The following DAB1 variants were observed in gnomAD, a reference collection of about 807,000 sequenced individuals.
DAB1 encodes disabled homolog 1.
DAB1 carries 15 observed loss-of-function variants against 64.6 expected under a neutral mutation model. That is an observed-to-expected ratio of 0.23 (90% CI 0.16 to 0.36). The LOEUF (loss-of-function observed/expected upper bound fraction) is 0.36, where lower values mean the gene tolerates loss of function less well. Among genes scored for constraint, DAB1 ranks in the 10% least tolerant of loss-of-function variants. The probability of loss-of-function intolerance (pLI) is 1.00; values close to 1 mark genes in which losing one functional copy is unlikely to be tolerated. For synonymous variants in DAB1, 235 were observed against 251.9 expected, an observed-to-expected ratio of 0.93 and a Z score of 0.64; for missense variants, 596 against 706.7, an observed-to-expected ratio of 0.84 and a Z score of 1.78.
chr1:57,434,511 A>T, intron 7 of DAB1, among the ~76,000 whole-genome samples: 1 of 152,226 alleles, frequency 6.6e-6, no homozygotes, highest in East Asian at 1.9e-4. Context: ...GGTAGAAGGA[A>T]CTTTCTGGGA....
At chr1:57,759,478 TG>T (rs1372019733) in intron 6 of DAB1, among the ~76,000 whole-genome samples, 3 of 152,202 alleles carry the variant, frequency 2.0e-5, no homozygotes, top group Non-Finnish European at 2.9e-5. Context: ...TTTGGCATGA[TG>T]ATAGGCTTGA....
At chr1:57,341,134 C>T (rs1474704438) in intron 1 of DAB1, among the ~76,000 whole-genome samples, 3 of 152,122 alleles carry the variant, frequency 2.0e-5, no homozygotes, top group South Asian at 4.1e-4. Flanking sequence ...CTTATCAAGG[C>T]TACATGGCTG....
intron 7 of DAB1, among the ~76,000 whole-genome samples, chr1:57,595,121 A>G (rs1168919338): frequency 6.6e-6 from 1 of 152,036 alleles, no homozygotes; most frequent in African/African-American, 2.4e-5. Flanking sequence ...ATACTGAAAA[A>G]CTGTATTTTG....
intron 5 of DAB1, among the ~76,000 whole-genome samples, chr1:58,146,140 T>C (rs1330243088): frequency 6.6e-6 from 1 of 152,234 alleles, no homozygotes; most frequent in Non-Finnish European, 1.5e-5. Flanking sequence ...ATTGACTGTT[T>C]AGGTTATTGG....
chr1:57,711,240 T>C (rs1647025881), intron 6 of DAB1, among the ~76,000 whole-genome samples: 1 of 152,232 alleles, frequency 6.6e-6, no homozygotes, highest in Non-Finnish European at 1.5e-5. Flanking sequence ...TTCCCAAAGT[T>C]AGCTTGGCCT....
intron 4 of DAB1, among the ~76,000 whole-genome samples, chr1:58,281,392 T>C (rs912319980): frequency 6.6e-6 from 1 of 151,930 alleles, no homozygotes; most frequent in African/African-American, 2.4e-5. Flanking sequence ...CAGCCCTCAG[T>C]TTTGTAGATT....
intron 7 of DAB1, among the ~76,000 whole-genome samples, chr1:57,500,993 T>C (rs1644283724): frequency 6.6e-6 from 1 of 152,250 alleles, no homozygotes; most frequent in African/African-American, 2.4e-5. Flanking sequence ...CATTGCAGCA[T>C]AAGGTAGATT....
chr1:57,775,750 C>T (rs961715794), intron 6 of DAB1, among the ~76,000 whole-genome samples: 1 of 151,458 alleles, frequency 6.6e-6, no homozygotes, highest in Non-Finnish European at 1.5e-5. Context: ...CTTCTATATT[C>T]TACTGATTTT....
intron 3 of DAB1, among the ~76,000 whole-genome samples, chr1:58,367,026 T>G (rs1296872730): frequency 6.6e-6 from 1 of 152,208 alleles, no homozygotes; most frequent in African/African-American, 2.4e-5. Context: ...CTTTTTTCTT[T>G]CTTAAAGGCA....
chr1:58,188,723 T>C (rs1034885270), intron 4 of DAB1, among the ~76,000 whole-genome samples: 4 of 152,198 alleles, frequency 2.6e-5, no homozygotes, highest in African/African-American at 9.7e-5. Flanking sequence ...TATCAGAACT[T>C]GCTAGAAATT....
chr1:58,393,890 A>G (rs1210475594), intron 3 of DAB1, among the ~76,000 whole-genome samples: 1 of 152,218 alleles, frequency 6.6e-6, no homozygotes, highest in Non-Finnish European at 1.5e-5. Context: ...TACCACACAT[A>G]AAAAGTATGT....
chr1:58,457,845 T>C (rs1379454740), intron 3 of DAB1, among the ~76,000 whole-genome samples: 2 of 152,158 alleles, frequency 1.3e-5, no homozygotes, highest in African/African-American at 2.4e-5. Context: ...GAGAACATAA[T>C]TGGCTGTTGT....
intron 5 of DAB1, among the ~76,000 whole-genome samples, chr1:57,955,985 C>T (rs1203099125): frequency 6.6e-6 from 1 of 152,068 alleles, no homozygotes; most frequent in Non-Finnish European, 1.5e-5. Flanking sequence ...TCTAGGATTA[C>T]AGGATGGGTC....
At chr1:58,463,420 T>C (rs555456593) in intron 3 of DAB1, among the ~76,000 whole-genome samples, 1 of 152,352 alleles carries the variant, frequency 6.6e-6, no homozygotes, top group South Asian at 2.1e-4. Context: ...GGCCATGATC[T>C]GTGATGAAAT....
At chr1:57,007,206 T>C (rs1646104514) in intron 14 of DAB1, among the ~76,000 whole-genome samples, 1 of 152,200 alleles carries the variant, frequency 6.6e-6, no homozygotes, top group Non-Finnish European at 1.5e-5. Context: ...TATGGCAATA[T>C]CTATTGTTAC....
In DAB1 at chr1:57,615,407, G is replaced by A. The variant is rs544865720; in HGVS notation, n.625+34185C>T. Among the ~76,000 whole-genome samples the A allele has an allele frequency of 5.3e-5, 8 of 152,270 alleles. No homozygotes were observed. The East Asian group carries it at 1.5e-3, about 29-fold the overall frequency. ...GGAACGTGGATGTAATGGCTGAAGA[G>A]CCATCCTGAAGGACAGAGCAGGAAG... On this transcript the variant is annotated intron_variant and non_coding_transcript_variant, in intron 7 of 20. Transcript: ENST00000485760.
intron 2 of DAB1, among the ~76,000 whole-genome samples, chr1:57,186,772 T>G (rs527593715): frequency 2.8e-4 from 42 of 152,340 alleles, no homozygotes; most frequent in African/African-American, 9.4e-4. Context: ...TAAGACACTT[T>G]GTATTCCAAG....
chr1:57,200,710 A>C (rs1665021732), intron 2 of DAB1, among the ~76,000 whole-genome samples: 1 of 152,230 alleles, frequency 6.6e-6, no homozygotes, highest in Non-Finnish European at 1.5e-5. Context: ...CCAGCCCCAC[A>C]GTGATTTCAC....
intron 5 of DAB1, among the ~76,000 whole-genome samples, chr1:58,115,939 G>A (rs1194871552): frequency 1.2e-4 from 17 of 142,190 alleles, no homozygotes; most frequent in Admixed American, 1.1e-3. Flanking sequence ...GTATACATAT[G>A]TAACTAACCT....
Sources: allele counts gnomAD v4.1 joint callset (sites outside exome capture counted in the v4.1 genomes callset), GRCh38; gene constraint gnomAD v4.1.1; transcripts MANE v1.5; gene names NCBI Gene and HGNC (gene_info 2026-07-23, HGNC 2026-07-21).